The following FOXP2 variants were observed in gnomAD, a reference collection of about 807,000 sequenced individuals.
The protein encoded by FOXP2 is forkhead box P2, also known as forkhead box protein P2.
FOXP2 carries 12 observed loss-of-function variants against 115.8 expected under a neutral mutation model. That is an observed-to-expected ratio of 0.10 (90% confidence interval 0.07 to 0.17). FOXP2 has a LOEUF of 0.17. Among genes scored for constraint, FOXP2 ranks in the 10% least tolerant of loss-of-function variants. FOXP2 has a pLI of 1.00. For synonymous variants in FOXP2, 328 were observed against 297.7 expected (o/e 1.10, Z -1.05); for missense variants, 629 against 843.5 (o/e 0.75, Z 3.15).
In FOXP2 at chr7:114,663,647, C is replaced by T. The variant is rs111928126; in HGVS notation, c.1839+128C>T. 1.3e-4 allele frequency: 95 copies of T among 749,902 alleles called. No individual in the cohort carries two copies. In the African/African-American group the frequency reaches 1.6e-3, roughly 12 times the overall value. The allele number at this position is 749,902 out of a possible 1,614,324, so 46.5% of individuals were successfully genotyped here. On this transcript the variant is annotated intron_variant, in intron 15 of 16. Coordinates refer to ENST00000350908, the MANE Select transcript of FOXP2 (RefSeq NM_014491.4). ...TTGGTTTATCATCCAAGTTGTAGTA[C>T]CTAGTACTATAGACAGCACTGGTTC... is the stretch of plus-strand genomic sequence containing the variant.
intron 7 of FOXP2, among the ~76,000 whole-genome samples, 180 bp downstream of exon 7, chr7:114,642,803 TA>T (rs1368733354): frequency 0.27 from 12,076 of 45,012 alleles, 1,651 homozygotes; most frequent in Non-Finnish European, 0.35. Context: ...TATATATATA[TA>T]TATATATATT....
At chr7:114,539,775 G>A (rs1207925817) in intron 3 of FOXP2, among the ~76,000 whole-genome samples, 1 of 152,014 alleles carries the variant, frequency 6.6e-6, no homozygotes, top group African/African-American at 2.4e-5. Context: ...GAGGGTCTGG[G>A]ACATTGAGCT....
chr7:114,497,434 G>C (rs899680852), intron 2 of FOXP2, among the ~76,000 whole-genome samples: 2 of 152,140 alleles, frequency 1.3e-5, no homozygotes, highest in African/African-American at 2.4e-5. Flanking sequence ...GATCACCTGA[G>C]GTCAGGACTT....
At chr7:114,223,880 AT>A (rs1186267248) in intron 1 of FOXP2, among the ~76,000 whole-genome samples, 1 of 151,836 alleles carries the variant, frequency 6.6e-6, no homozygotes, top group East Asian at 1.9e-4. Context: ...TATGGTTAGA[AT>A]TTTTTTGTTT....
intron 3 of FOXP2, among the ~76,000 whole-genome samples, chr7:114,627,314 A>G (rs903646195): frequency 2.0e-5 from 3 of 152,042 alleles, no homozygotes; most frequent in Non-Finnish European, 2.9e-5. Flanking sequence ...ATGTTGCCCA[A>G]TAAATTTGTT....
At chr7:114,512,759 T>C (rs980671327) in intron 2 of FOXP2, among the ~76,000 whole-genome samples, 5 of 152,058 alleles carry the variant, frequency 3.3e-5, no homozygotes, top group Admixed American at 3.3e-4. Flanking sequence ...TGAAAGAAAA[T>C]ATTGGGATTC....
At chr7:114,482,572 C>T (rs1465154512) in intron 2 of FOXP2, among the ~76,000 whole-genome samples, 1 of 151,540 alleles carries the variant, frequency 6.6e-6, no homozygotes, top group Admixed American at 6.6e-5. Flanking sequence ...TAGTTTGTTT[C>T]TTTCCCTTTC....
At chr7:114,344,675 C>T (rs905208554) in intron 2 of FOXP2, among the ~76,000 whole-genome samples, 1 of 151,738 alleles carries the variant, frequency 6.6e-6, no homozygotes, top group African/African-American at 2.4e-5. Flanking sequence ...ATTCTGTTAA[C>T]CAATGTTTAA....
chr7:114,244,501 A>G (rs1389143319), intron 1 of FOXP2, among the ~76,000 whole-genome samples: 3 of 152,100 alleles, frequency 2.0e-5, no homozygotes, highest in Non-Finnish European at 1.5e-5. Flanking sequence ...CATTCTTCCT[A>G]TGGGATGTTT....
rs183844356 is a variant in FOXP2, at chr7:114,469,530, G to A, written c.168+42851G>A. ...AAAAAGTTTATATTTTAGTTGGTAT[G>A]CCTAGAATTATAGAAAATATCCGTG... On this transcript the variant is annotated intron_variant, in intron 2 of 16. Coordinates refer to ENST00000350908, the MANE Select transcript of FOXP2 (RefSeq NM_014491.4). Among the ~76,000 whole-genome samples, 110 of 152,224 alleles carry A rather than the reference G, an allele frequency of 7.2e-4. No individual in the cohort carries two copies. In the Middle Eastern group the frequency reaches 0.017, roughly 24 times the overall value.
chr7:114,393,332 T>C (rs529585481), intron 2 of FOXP2, among the ~76,000 whole-genome samples: 2 of 150,562 alleles, frequency 1.3e-5, no homozygotes, highest in South Asian at 4.3e-4. Flanking sequence ...CTTACAGCCA[T>C]TGCTTGTGGC....
At chr7:114,262,446 G>A (rs1450064109) in intron 1 of FOXP2, among the ~76,000 whole-genome samples, 2 of 151,988 alleles carry the variant, frequency 1.3e-5, no homozygotes, top group Admixed American at 1.3e-4. Context: ...CTTGGGTGAT[G>A]GGATCATTCA....
rs941498229 is a variant in FOXP2 at position 114,509,570 on chromosome 7, A to C, written c.169-25047A>C. Among the ~76,000 whole-genome samples the C allele has an allele frequency of 7.2e-4, 110 of 151,988 alleles. 1 individual carries two copies. The highest frequency in any genetic ancestry group is 3.2e-4 in the Non-Finnish European group (22 of 67,954). On this transcript the variant is annotated intron_variant, in intron 2 of 16. Transcript: ENST00000350908. ...GGTTGATGTGAGTATGTCGGAGATAAAGAGGAATCAAGGATGATCGCAACA... is the reference window on the plus strand; with the variant it reads ...GGTTGATGTGAGTATGTCGGAGATACAGAGGAATCAAGGATGATCGCAACA...
chr7:114,577,826 C>T (rs746209129), intron 3 of FOXP2, among the ~76,000 whole-genome samples: 3 of 151,684 alleles, frequency 2.0e-5, no homozygotes, highest in Non-Finnish European at 4.4e-5. Context: ...CATACAACAG[C>T]CAGTATAGAA....
intron 3 of FOXP2, among the ~76,000 whole-genome samples, chr7:114,547,496 G>A (rs1169026727): frequency 1.3e-5 from 2 of 152,152 alleles, no homozygotes; most frequent in African/African-American, 4.8e-5. Flanking sequence ...TGTGGCTCAC[G>A]CCTGTAATCA....
intron 1 of FOXP2, among the ~76,000 whole-genome samples, chr7:114,279,323 T>C (rs189379564): frequency 4.6e-5 from 7 of 152,300 alleles, no homozygotes; most frequent in African/African-American, 1.4e-4. Context: ...GGATCTGGAA[T>C]TGGGATTGTT....
chr7:114,099,121 C>T (rs1799715983), intron 1 of FOXP2, among the ~76,000 whole-genome samples: 1 of 152,096 alleles, frequency 6.6e-6, no homozygotes, highest in South Asian at 2.1e-4. Context: ...GGCGACAGAG[C>T]ATGACCCTGT....
chr7:114,299,879 G>A (rs1045202159), intron 2 of FOXP2, among the ~76,000 whole-genome samples: 3 of 151,974 alleles, frequency 2.0e-5, no homozygotes, highest in Admixed American at 6.6e-5. Context: ...TGGTTTCTTT[G>A]TCTTTTGTCT....
intron 1 of FOXP2, among the ~76,000 whole-genome samples, chr7:114,145,976 C>T (rs1368134404): frequency 1.3e-5 from 2 of 152,060 alleles, no homozygotes; most frequent in Non-Finnish European, 2.9e-5. Flanking sequence ...GTATATGTTT[C>T]TATCTGTATT....
Sources: gnomAD v4.1 joint callset for allele counts (sites outside exome capture counted in the v4.1 genomes callset) on GRCh38, gnomAD v4.1.1 for gene constraint, MANE v1.5 for transcripts, NCBI Gene and HGNC (gene_info 2026-07-23, HGNC 2026-07-21) for gene names.